HECW2: variants seen among roughly 807,000 people sequenced by gnomAD.
The protein encoded by HECW2 is E3 ubiquitin-protein ligase HECW2.
In HECW2, 61 loss-of-function variants were observed where a neutral mutation model predicts 175.2. That is an observed-to-expected ratio of 0.35 (90% CI 0.28 to 0.43). HECW2 has a LOEUF of 0.43. Among genes scored for constraint, HECW2 ranks in the 20% least tolerant of loss-of-function variants. The pLI, the probability that HECW2 is intolerant of heterozygous loss-of-function variation, is 1.00. For synonymous variants in HECW2, 671 were observed against 731.0 expected (o/e 0.92, Z 1.32); for missense variants, 1,524 against 2,000.5 (o/e 0.76, Z 4.54).
chr2:196,275,722 T>A (rs902859644), intron 15 of HECW2, among the ~76,000 whole-genome samples: 12 of 151,370 alleles, frequency 7.9e-5, no homozygotes, highest in South Asian at 4.2e-4. Context: ...ACTGCACTCC[T>A]GCCTGGCGAC....
chr2:196,272,915 G>A (rs1373423447), intron 16 of HECW2, among the ~76,000 whole-genome samples: 1 of 151,796 alleles, frequency 6.6e-6, no homozygotes, highest in East Asian at 1.9e-4. Flanking sequence ...TAGACTGTTA[G>A]ACTTCAACCC....
At chr2:196,256,068 A>G (rs1689044601) in intron 18 of HECW2, among the ~76,000 whole-genome samples, 1 of 152,154 alleles carries the variant, frequency 6.6e-6, no homozygotes, top group Non-Finnish European at 1.5e-5. Context: ...GCGAGACTGC[A>G]CCTCAAAAAT....
intron 2 of HECW2, among the ~76,000 whole-genome samples, chr2:196,391,050 C>G (rs1227057690): frequency 6.6e-6 from 1 of 152,158 alleles, no homozygotes; most frequent in Admixed American, 6.5e-5. Context: ...CTGAGCTCCA[C>G]TGACCTCAAA....
At chr2:196,346,600 T>C (rs2105839580) in intron 2 of HECW2, among the ~76,000 whole-genome samples, 1 of 152,320 alleles carries the variant, frequency 6.6e-6, no homozygotes, top group African/African-American at 2.4e-5. Context: ...GAAACAAGCC[T>C]AGAGTTAAGT....
At chr2:196,414,920 C>T (rs1695213657) in intron 2 of HECW2, among the ~76,000 whole-genome samples, 1 of 152,202 alleles carries the variant, frequency 6.6e-6, no homozygotes. Flanking sequence ...GCAGACAGCA[C>T]TCATGAAGCT....
At chr2:196,468,145 C>T (rs1697038521) in intron 1 of HECW2, among the ~76,000 whole-genome samples, 1 of 152,278 alleles carries the variant, frequency 6.6e-6, no homozygotes, top group East Asian at 1.9e-4. Flanking sequence ...CAGGCACATG[C>T]CACCAAGCCC....
At chr2:196,215,241 C>A (rs762487390) in intron 28 of HECW2, among the ~76,000 whole-genome samples, 1 of 152,162 alleles carries the variant, frequency 6.6e-6, no homozygotes, top group South Asian at 2.1e-4. Context: ...AATGTGTGGA[C>A]GTTGTAATAA....
intron 2 of HECW2, among the ~76,000 whole-genome samples, chr2:196,407,767 T>C (rs938462787): frequency 6.6e-6 from 1 of 152,222 alleles, no homozygotes; most frequent in Admixed American, 6.5e-5. Context: ...AAGTTACTTG[T>C]TCATGTCTCT....
Position 196,325,174 on chromosome 2 carries a change from G to A in HECW2, c.572-25C>T, listed in dbSNP as rs993425632. The A allele has an allele frequency of 2.6e-6, 4 of 1,538,578 alleles. No individual in the cohort carries two copies. In the African/African-American group the frequency reaches 4.2e-5, roughly 16 times the overall value. ...TCTTTAAAGAAAGAGGGAGAAGGAG[G>A]GAGGGACAAAGAGAAAGCAGGAGGG... On this transcript the variant is annotated intron_variant, in intron 5 of 28. Coordinates refer to ENST00000644978, the MANE Select transcript of HECW2 (RefSeq NM_001348768.2).
chr2:196,437,314 A>G (rs1173009220), intron 1 of HECW2, among the ~76,000 whole-genome samples: 1 of 152,078 alleles, frequency 6.6e-6, no homozygotes, highest in African/African-American at 2.4e-5. Flanking sequence ...GAATCCTGCA[A>G]AAGAAACCAT....
At chr2:196,589,196 C>T (rs1020190172) in intron 1 of HECW2, among the ~76,000 whole-genome samples, 6 of 152,024 alleles carry the variant, frequency 3.9e-5, no homozygotes, top group Non-Finnish European at 8.8e-5. Context: ...GAGACCCTGT[C>T]TCAAAAAATA....
intron 2 of HECW2, among the ~76,000 whole-genome samples, chr2:196,363,446 T>G (rs895507244): frequency 6.6e-6 from 1 of 151,920 alleles, no homozygotes; most frequent in African/African-American, 2.4e-5. Context: ...TCTGCCTTCC[T>G]CATATAACAC....
At position 196,343,671 on chromosome 2, in the gene HECW2, G is replaced by A. The variant is rs1474542670; in HGVS notation, c.386C>T (p.Pro129Leu). 2 of 1,609,892 alleles carry A rather than the reference G, an allele frequency of 1.2e-6. No homozygotes were observed. The highest frequency in any genetic ancestry group is 2.2e-5 in the East Asian group (1 of 44,852). Residue 129 changes from proline to leucine, a missense_variant, in exon 3 of 29, where the codon CCC (proline) becomes CTC (leucine). By Grantham distance (98) the Pro-to-Leu change is moderately conservative (BLOSUM62 -3). Coordinates refer to ENST00000644978, the MANE Select transcript of HECW2 (RefSeq NM_001348768.2). ...GQIVWRIEPG[P>L]YFMEPEIKIC... ...TAGTTACTTACGTTCCATGAAATAG[G>A]GCCCAGGCTCAATTCTCCATACAAT... is the stretch of plus-strand genomic sequence containing the variant.
chr2:196,456,369 A>C (rs145385324), intron 1 of HECW2, among the ~76,000 whole-genome samples: 2 of 152,250 alleles, frequency 1.3e-5, no homozygotes, highest in Non-Finnish European at 2.9e-5. Context: ...AGCCTTATAT[A>C]CATTATCTCC....
intron 2 of HECW2, among the ~76,000 whole-genome samples, chr2:196,373,117 T>C (rs1693952834): frequency 6.6e-6 from 1 of 152,170 alleles, no homozygotes; most frequent in Non-Finnish European, 1.5e-5. Flanking sequence ...AAATAAAATC[T>C]AGAGAAGTTC....
chr2:196,415,671 TG>T (rs1219772540), intron 2 of HECW2, among the ~76,000 whole-genome samples: 1 of 152,234 alleles, frequency 6.6e-6, no homozygotes, highest in African/African-American at 2.4e-5. Context: ...CAGGCACCTT[TG>T]GTTGGAGATG....
At chr2:196,329,466 G>C in intron 5 of HECW2, 109 bp downstream of exon 5, 1 of 787,668 alleles carries the variant, frequency 1.3e-6, no homozygotes, top group Non-Finnish European at 2.2e-6. Flanking sequence ...CCCAAAACTA[G>C]TTCACATATC....
chr2:196,258,832 C>A (rs887447977), intron 17 of HECW2, among the ~76,000 whole-genome samples: 2 of 152,150 alleles, frequency 1.3e-5, no homozygotes, highest in African/African-American at 4.8e-5. Flanking sequence ...CAATTTTATT[C>A]TGAGTGCTAT....
At chr2:196,545,730 T>C (rs550304977) in intron 1 of HECW2, among the ~76,000 whole-genome samples, 10 of 152,180 alleles carry the variant, frequency 6.6e-5, no homozygotes, top group Non-Finnish European at 1.3e-4. Flanking sequence ...ACAATAACTT[T>C]AAAAGTTAAC....
Sources: allele counts gnomAD v4.1 joint callset (sites outside exome capture counted in the v4.1 genomes callset), GRCh38; gene constraint gnomAD v4.1.1; transcripts MANE v1.5; gene names NCBI Gene and HGNC (gene_info 2026-07-23, HGNC 2026-07-21).